The following SMC1B variants were observed in gnomAD, a reference collection of about 807,000 sequenced individuals.
SMC1B encodes the protein structural maintenance of chromosomes protein 1B.
Under a neutral mutation model 157.9 loss-of-function variants are expected in SMC1B, and 60 were observed. The observed-to-expected ratio is 0.38, with a 90% CI of 0.31 to 0.47. SMC1B has a LOEUF of 0.47. SMC1B is among the 20% of genes least tolerant of loss of function. SMC1B has a pLI of 0.99. For synonymous variants in SMC1B, 445 were observed against 483.0 expected (o/e 0.92, Z 1.03); for missense variants, 1,165 against 1,426.2 (o/e 0.82, Z 2.95).
At chr22:45,394,520 AGTCTCAGCTACAG>A (rs1479795087) in intron 8 of SMC1B, among the ~76,000 whole-genome samples, 152 bp downstream of exon 8, 9 of 152,186 alleles carry the variant, frequency 5.9e-5, no homozygotes, top group African/African-American at 2.2e-4. Flanking sequence ...ATGTGCCTGT[AGTCTCAGCTACAG>A]GCTGAGGTAG....
In SMC1B at chr22:45,345,519, G is replaced by C; in HGVS notation, c.3546C>G (p.Val1182=). ...AATAGAACTCTTCTTTTAGGGAGAT[G>C]ACTATCATCTGAAACTGGTCTTGAG... The part of the protein sequence containing the change: ...EQTQDQFQMI[V]ISLKEEFYSR... The change falls in exon 24 of 25, where the codon GTC becomes GTG. Residue 1182 remains valine, a synonymous_variant. Transcript: ENST00000357450. The C allele has an allele frequency of 6.2e-7, 1 of 1,613,930 alleles. No homozygotes were observed. Among genetic ancestry groups the C allele is most frequent in the Non-Finnish European group, 8.5e-7 (1 of 1,179,842 alleles).
At chr22:45,349,602 G>A (rs2086590601) in intron 23 of SMC1B, 126 bp downstream of exon 23, 2 of 671,706 alleles carry the variant, frequency 3.0e-6, no homozygotes, top group Admixed American at 6.0e-5. Flanking sequence ...CCATAGTGCT[G>A]GGATTACAGG....
intron 10 of SMC1B, among the ~76,000 whole-genome samples, chr22:45,389,059 A>G (rs1209261550): frequency 6.6e-6 from 1 of 152,056 alleles, no homozygotes; most frequent in African/African-American, 2.4e-5. Context: ...AGTAACTGCT[A>G]ATTAGAAGTA....
In SMC1B at chr22:45,350,011, C is replaced by A. The variant is rs145751383; in HGVS notation, c.3426-214G>T. On this transcript the variant is annotated intron_variant, in intron 22 of 24. Coordinates refer to ENST00000357450, the MANE Select transcript of SMC1B (RefSeq NM_148674.5). Reference sequence around the variant, plus strand: ...GAGTATTTGGGATTGGTCACTCCCTCCTTGAAATACTGCTTTGTGACTTGT... The same window carrying A: ...GAGTATTTGGGATTGGTCACTCCCTACTTGAAATACTGCTTTGTGACTTGT... Among the ~76,000 whole-genome samples, 416 of 152,328 alleles carry A rather than the reference C, an allele frequency of 2.7e-3. 2 individuals carry two copies. The highest frequency in any genetic ancestry group is 4.7e-3 in the Non-Finnish European group (322 of 68,032).
intron 12 of SMC1B, among the ~76,000 whole-genome samples, chr22:45,381,746 T>C (rs541920940): frequency 6.6e-6 from 1 of 152,354 alleles, no homozygotes; most frequent in South Asian, 2.1e-4. Flanking sequence ...CCCAGAACTT[T>C]TTCTGTGCCT....
intron 23 of SMC1B, among the ~76,000 whole-genome samples, chr22:45,346,110 C>G (rs2086549108): frequency 6.6e-6 from 1 of 151,592 alleles, no homozygotes; most frequent in Non-Finnish European, 1.5e-5. Flanking sequence ...GAGGCTGAGG[C>G]AGGAAAATCG....
chr22:45,364,747 T>C (rs1258714016), intron 15 of SMC1B, among the ~76,000 whole-genome samples: 1 of 152,162 alleles, frequency 6.6e-6, no homozygotes, highest in Non-Finnish European at 1.5e-5. Context: ...CTGGCTTTCC[T>C]TTCCCCCAAC....
In SMC1B at chr22:45,394,047, C is replaced by T. The variant is rs565098243; in HGVS notation, c.1338-206G>A. Among the ~76,000 whole-genome samples the T allele has an allele frequency of 1.1e-4, 16 of 152,090 alleles. No individual in the cohort carries two copies. In the East Asian group the frequency reaches 2.5e-3, roughly 24 times the overall value. On this transcript the variant is annotated intron_variant, in intron 8 of 24. Coordinates refer to ENST00000357450, the MANE Select transcript of SMC1B (RefSeq NM_148674.5). ...TGTTGATTTGAAAAATGTGGCTGGG[C>T]CAGGTGGCTCACTCCTGTAATCCCA...
intron 9 of SMC1B, among the ~76,000 whole-genome samples, chr22:45,392,769 C>T (rs184075732): frequency 2.0e-4 from 30 of 152,096 alleles, no homozygotes; most frequent in Non-Finnish European, 2.9e-4. Context: ...GGTGTGATCT[C>T]AGCTCACTGC....
chr22:45,362,729 A>G (rs544211925), intron 16 of SMC1B, among the ~76,000 whole-genome samples, 156 bp downstream of exon 16: 3 of 152,266 alleles, frequency 2.0e-5, no homozygotes, highest in Non-Finnish European at 4.4e-5. Context: ...ACATCCAGTA[A>G]TTCATAAAGC....
Position 45,402,340 on chromosome 22 carries a change from C to A in SMC1B, c.847G>T (p.Glu283Ter). The change falls in exon 5 of 25, where the codon GAA becomes TAA. Residue 283 changes from glutamate to a stop codon, truncating the protein, a stop_gained. Transcript: ENST00000357450. LOFTEE classifies it high-confidence loss of function. ...CTACTTTTAAAAACTCACTTTAATT[C>A]TTTTTCTGTTTGTTGTAGTTGTCTA... is the stretch of plus-strand genomic sequence containing the variant. ...LTRQLQQTEK[E>*]LKSVETLLNQ... 6.2e-7 allele frequency: 1 copy of A among 1,607,546 alleles called. No individual in the cohort carries two copies. Among genetic ancestry groups the A allele is most frequent in the Non-Finnish European group, 8.5e-7 (1 of 1,176,388 alleles).
intron 19 of SMC1B, among the ~76,000 whole-genome samples, chr22:45,358,071 G>A (rs1455245867): frequency 6.6e-6 from 1 of 152,178 alleles, no homozygotes; most frequent in Non-Finnish European, 1.5e-5. Context: ...CCTAAACAGT[G>A]GGTTGTGAAG....
At chr22:45,357,029 G>A (rs1041699482) in intron 19 of SMC1B, among the ~76,000 whole-genome samples, 2 of 152,090 alleles carry the variant, frequency 1.3e-5, no homozygotes, top group East Asian at 1.9e-4. Context: ...CACCACGCCC[G>A]GCCTGATACT....
chr22:45,373,835 T>C (rs375354844), intron 12 of SMC1B, among the ~76,000 whole-genome samples: 1 of 152,140 alleles, frequency 6.6e-6, no homozygotes, highest in Admixed American at 6.5e-5. Context: ...ATTAGGCAAA[T>C]GTGATGGGAT....
At chr22:45,408,484 A>T (rs1292232604) in intron 2 of SMC1B, among the ~76,000 whole-genome samples, 14 of 152,110 alleles carry the variant, frequency 9.2e-5, no homozygotes, top group Non-Finnish European at 1.5e-5. Flanking sequence ...CAGTAGGGGG[A>T]TTTGAACAAT....
chr22:45,365,972 T>C (rs1444058440), intron 15 of SMC1B, among the ~76,000 whole-genome samples: 1 of 152,146 alleles, frequency 6.6e-6, no homozygotes, highest in Admixed American at 6.5e-5. Context: ...AATCTATCAA[T>C]CCAATGCAAT....
intron 17 of SMC1B, among the ~76,000 whole-genome samples, chr22:45,361,103 A>G (rs917050998): frequency 6.6e-6 from 1 of 152,028 alleles, no homozygotes; most frequent in African/African-American, 2.4e-5. Context: ...CACTATTACT[A>G]TCTCCATTAC....
chr22:45,408,600 T>C, intron 2 of SMC1B, 110 bp downstream of exon 2: 1 of 670,446 alleles, frequency 1.5e-6, no homozygotes. Flanking sequence ...AAAAGAACTC[T>C]AGTTCATTAC....
intron 4 of SMC1B, 101 bp downstream of exon 4, chr22:45,406,359 T>C: frequency 1.1e-6 from 1 of 900,988 alleles, no homozygotes; most frequent in Non-Finnish European, 1.7e-6. Context: ...TCTTATACTA[T>C]TAAATTAATC....
Sources: gnomAD v4.1 joint callset for allele counts (sites outside exome capture counted in the v4.1 genomes callset) on GRCh38, gnomAD v4.1.1 for gene constraint, MANE v1.5 for transcripts, NCBI Gene and HGNC (gene_info 2026-07-23, HGNC 2026-07-21) for gene names.